The following OLFM3 variants were observed in gnomAD, a reference collection of about 807,000 sequenced individuals.
The protein encoded by OLFM3 is olfactomedin 3.
OLFM3 carries 20 observed loss-of-function variants against 48.6 expected under a neutral mutation model. The ratio of observed to expected loss-of-function variants is 0.41; its 90% CI spans 0.29 to 0.60. OLFM3 has a LOEUF of 0.60. Among genes scored for constraint, OLFM3 ranks in the 20% least tolerant of loss-of-function variants. The pLI, the probability that OLFM3 is intolerant of heterozygous loss-of-function variation, is 0.28. For synonymous variants in OLFM3, 222 were observed against 198.1 expected (o/e 1.12, Z -1.01); for missense variants, 437 against 544.3 (o/e 0.80, Z 1.96).
intron 1 of OLFM3, among the ~76,000 whole-genome samples, chr1:101,853,848 T>C (rs1656315633): frequency 6.6e-6 from 1 of 152,040 alleles, no homozygotes; most frequent in Non-Finnish European, 1.5e-5. Context: ...GTTACATGTA[T>C]TTTTTCCTTC....
chr1:101,957,877 A>T (rs1421130181), intron 1 of OLFM3, among the ~76,000 whole-genome samples: 1 of 152,098 alleles, frequency 6.6e-6, no homozygotes, highest in African/African-American at 2.4e-5. Context: ...AAGTGGATTT[A>T]ATTCTGAAAA....
chr1:101,963,645 T>C (rs896899927), intron 1 of OLFM3, among the ~76,000 whole-genome samples: 20 of 152,260 alleles, frequency 1.3e-4, no homozygotes, highest in Admixed American at 3.3e-4. Context: ...ATCCAAGAGA[T>C]GCAAACAAGT....
At position 101,829,841 on chromosome 1, in the gene OLFM3, C is replaced by CTTT. The variant is rs58880163; in HGVS notation, c.372+828_372+830dup. ...TAGCAGACCAAGAGTTTTTTCTTTT[C>CTTT]TTTTTTTTTTTGAGACGGAGTCTCT... On this transcript the variant is annotated intron_variant, in intron 3 of 5. Transcript: ENST00000370103. Among the ~76,000 whole-genome samples the CTTT allele has an allele frequency of 3.4e-4, 50 of 148,678 alleles. 1 individual carries two copies. Among genetic ancestry groups the CTTT allele is most frequent in the Non-Finnish European group, 5.4e-4 (36 of 66,988 alleles).
At chr1:101,899,060 C>T (rs548736142) in intron 1 of OLFM3, among the ~76,000 whole-genome samples, 24 of 152,302 alleles carry the variant, frequency 1.6e-4, no homozygotes, top group African/African-American at 5.3e-4. Context: ...TTGATTATCT[C>T]ACAGTTTCCG....
At chr1:101,914,125 T>G (rs1658849441) in intron 1 of OLFM3, among the ~76,000 whole-genome samples, 1 of 152,190 alleles carries the variant, frequency 6.6e-6, no homozygotes, top group Non-Finnish European at 1.5e-5. Flanking sequence ...CATAATTAAT[T>G]ATATAAACCT....
chr1:101,857,742 T>C (rs1473623518), intron 1 of OLFM3, among the ~76,000 whole-genome samples: 1 of 152,010 alleles, frequency 6.6e-6, no homozygotes. Flanking sequence ...CAAACTTTAT[T>C]GAGTCCTTTC....
chr1:101,994,627 A>G (rs866749233), intron 1 of OLFM3, among the ~76,000 whole-genome samples: 51 of 149,372 alleles, frequency 3.4e-4, no homozygotes, highest in Admixed American at 4.0e-4. Context: ...TAATATTAAT[A>G]CAAAAGTAGC....
intron 1 of OLFM3, among the ~76,000 whole-genome samples, chr1:101,868,128 T>C (rs554605276): frequency 9.9e-5 from 15 of 152,272 alleles, no homozygotes; most frequent in Non-Finnish European, 1.6e-4. Flanking sequence ...GTATGTCTTA[T>C]AGCAGTGTGA....
intron 1 of OLFM3, among the ~76,000 whole-genome samples, chr1:101,909,586 T>C (rs966164362): frequency 2.0e-5 from 3 of 152,234 alleles, no homozygotes; most frequent in Non-Finnish European, 4.4e-5. Context: ...TTGATTAATC[T>C]TCATTTGAAA....
At chr1:101,992,606 T>C (rs1355573700) in intron 1 of OLFM3, among the ~76,000 whole-genome samples, 2 of 141,072 alleles carry the variant, frequency 1.4e-5, no homozygotes, top group African/African-American at 2.6e-5. Context: ...CAAGTAGTAA[T>C]CTCAGTTTAT....
chr1:101,947,576 T>C (rs1659999970), intron 1 of OLFM3, among the ~76,000 whole-genome samples: 1 of 152,176 alleles, frequency 6.6e-6, no homozygotes, highest in African/African-American at 2.4e-5. Context: ...AAGTCCAGCC[T>C]GGACAACATA....
At chr1:101,862,247 G>A (rs983936471) in intron 1 of OLFM3, among the ~76,000 whole-genome samples, 1 of 152,186 alleles carries the variant, frequency 6.6e-6, no homozygotes, top group African/African-American at 2.4e-5. Context: ...AGTGTAGGTT[G>A]TTCCATTTTT....
intron 1 of OLFM3, among the ~76,000 whole-genome samples, chr1:101,940,716 C>A (rs928763861): frequency 2.7e-5 from 4 of 148,688 alleles, no homozygotes; most frequent in African/African-American, 7.4e-5. Context: ...ATATATATAT[C>A]TTTGTATATA....
intron 1 of OLFM3, among the ~76,000 whole-genome samples, chr1:101,944,649 G>T (rs1009772970): frequency 1.3e-5 from 2 of 152,154 alleles, no homozygotes; most frequent in African/African-American, 2.4e-5. Context: ...GGAGTCCGAG[G>T]TGTGCAGATC....
At position 101,819,296 on chromosome 1, in the gene OLFM3, G is replaced by T. The variant is rs188240729; in HGVS notation, c.592+5730C>A. Among the ~76,000 whole-genome samples the T allele has an allele frequency of 2.6e-4, 40 of 152,198 alleles. No homozygotes were observed. In the East Asian group the frequency reaches 6.9e-3, roughly 26 times the overall value. ...CATGATGAGAACCTGAGAACTCAAGGCCTGGAGAATCAGGCAGAGCCCATT... is the reference window on the plus strand; with the variant it reads ...CATGATGAGAACCTGAGAACTCAAGTCCTGGAGAATCAGGCAGAGCCCATT... On this transcript the variant is annotated intron_variant, in intron 4 of 5. Coordinates refer to ENST00000370103, the MANE Select transcript of OLFM3 (RefSeq NM_058170.4).
intron 1 of OLFM3, among the ~76,000 whole-genome samples, chr1:101,918,146 G>A (rs6697587): frequency 0.43 from 65,773 of 151,874 alleles, 14,337 homozygotes; most frequent in East Asian, 0.59. Context: ...TAGGCAAGGT[G>A]CTGTGGAGAT....
intron 4 of OLFM3, chr1:101,813,193 A>G (rs1357458183): frequency 1.2e-6 from 1 of 851,078 alleles, no homozygotes; most frequent in Non-Finnish European, 1.6e-6. Context: ...CCAAATCTGT[A>G]TTGAGAAGAA....
chr1:101,853,060 C>T (rs1215146977), intron 1 of OLFM3, among the ~76,000 whole-genome samples: 1 of 152,060 alleles, frequency 6.6e-6, no homozygotes, highest in Non-Finnish European at 1.5e-5. Context: ...AAATATAAAT[C>T]AAATTATGTT....
chr1:101,961,263 TATA>T (rs1660458694), intron 1 of OLFM3, among the ~76,000 whole-genome samples: 1 of 152,058 alleles, frequency 6.6e-6, no homozygotes, highest in African/African-American at 2.4e-5. Context: ...TGTAATTATA[TATA>T]ATGTTACATT....
Sources: allele counts gnomAD v4.1 joint callset (sites outside exome capture counted in the v4.1 genomes callset), GRCh38; gene constraint gnomAD v4.1.1; transcripts MANE v1.5; gene names NCBI Gene and HGNC (gene_info 2026-07-23, HGNC 2026-07-21).